The following PTPRD variants were observed in gnomAD, a reference collection of about 807,000 sequenced individuals.
PTPRD encodes the protein protein tyrosine phosphatase receptor type D.
A neutral mutation model predicts 214.5 loss-of-function variants in PTPRD; 34 were observed. That is an observed-to-expected ratio of 0.16 (90% CI 0.12 to 0.21). The LOEUF is 0.21. PTPRD is among the 10% of genes least tolerant of loss of function. The probability of loss-of-function intolerance (pLI) is 1.00; values close to 1 mark genes in which losing one functional copy is unlikely to be tolerated. For missense variants in PTPRD, 2,545 were observed against 2,398.7 expected, an observed-to-expected ratio of 1.06 and a Z score of -1.27; for synonymous variants, 1,128 against 845.7, an observed-to-expected ratio of 1.33 and a Z score of -5.79.
intron 10 of PTPRD, among the ~76,000 whole-genome samples, chr9:9,149,100 G>C (rs150981500): frequency 3.3e-5 from 5 of 152,324 alleles, no homozygotes; most frequent in African/African-American, 1.2e-4. Flanking sequence ...TCCGCAGTCT[G>C]ACTGTTTAGG....
chr9:9,398,791 T>C (rs764500715), intron 8 of PTPRD, among the ~76,000 whole-genome samples: 3 of 152,004 alleles, frequency 2.0e-5, no homozygotes, highest in African/African-American at 4.8e-5. Flanking sequence ...GGAACAGTGA[T>C]AGATTTGCTT....
intron 2 of PTPRD, among the ~76,000 whole-genome samples, chr9:10,476,958 C>G (rs1280414259): frequency 6.6e-6 from 1 of 152,078 alleles, no homozygotes; most frequent in African/African-American, 2.4e-5. Flanking sequence ...AATTGGACCC[C>G]TTACTTAGAC....
intron 39 of PTPRD, among the ~76,000 whole-genome samples, chr9:8,374,573 G>A (rs1245288938): frequency 1.3e-5 from 2 of 151,972 alleles, no homozygotes; most frequent in Admixed American, 1.3e-4. Context: ...GGCCGATTAC[G>A]CCATCACCTT....
intron 9 of PTPRD, among the ~76,000 whole-genome samples, chr9:9,304,906 T>C (rs1230293494): frequency 6.7e-6 from 1 of 149,114 alleles, no homozygotes; most frequent in Non-Finnish European, 1.5e-5. Context: ...GGGGAGAATT[T>C]TTATTGCTTT....
chr9:8,373,121 T>C (rs1331911295), intron 39 of PTPRD, among the ~76,000 whole-genome samples: 3 of 152,066 alleles, frequency 2.0e-5, no homozygotes, highest in African/African-American at 7.2e-5. Flanking sequence ...TTTGCATAGT[T>C]TCTTTCTGCT....
At chr9:9,344,691 T>C (rs1277167287) in intron 9 of PTPRD, among the ~76,000 whole-genome samples, 1 of 152,050 alleles carries the variant, frequency 6.6e-6, no homozygotes, top group Non-Finnish European at 1.5e-5. Flanking sequence ...TTTAAAAACT[T>C]TAAGTTAAAA....
At chr9:9,663,649 C>T (rs1260267690) in intron 7 of PTPRD, among the ~76,000 whole-genome samples, 7 of 151,540 alleles carry the variant, frequency 4.6e-5, no homozygotes, top group African/African-American at 9.7e-5. Flanking sequence ...TCTCTCCTTC[C>T]GCTTCATATC....
intron 9 of PTPRD, among the ~76,000 whole-genome samples, chr9:9,347,570 G>T (rs906996970): frequency 1.3e-5 from 2 of 151,872 alleles, no homozygotes; most frequent in African/African-American, 4.8e-5. Context: ...TTATTCTTTA[G>T]CTATTACACA....
At chr9:9,388,695 T>TA (rs954296076) in intron 9 of PTPRD, among the ~76,000 whole-genome samples, 27 of 152,238 alleles carry the variant, frequency 1.8e-4, no homozygotes, top group South Asian at 4.1e-4. Flanking sequence ...AAATCTGCCA[T>TA]AAAAAAATTA....
At chr9:8,732,758 T>C (rs1193799482) in intron 12 of PTPRD, among the ~76,000 whole-genome samples, 3 of 152,288 alleles carry the variant, frequency 2.0e-5, no homozygotes, top group East Asian at 3.9e-4. Flanking sequence ...CATGAAGCAA[T>C]TGGTGGCTCG....
At chr9:8,797,165 A>G (rs2096454438) in intron 11 of PTPRD, 1 of 152,192 alleles carries the variant, frequency 6.6e-6, no homozygotes, top group African/African-American at 2.4e-5. Flanking sequence ...TTTGTCTAGC[A>G]GGCTTTCCAA....
intron 5 of PTPRD, among the ~76,000 whole-genome samples, chr9:9,840,218 T>C (rs199998461): frequency 6.6e-6 from 1 of 151,920 alleles, no homozygotes; most frequent in Non-Finnish European, 1.5e-5. Context: ...TTGCATTTTT[T>C]GTAGAGATGG....
intron 14 of PTPRD, among the ~76,000 whole-genome samples, chr9:8,560,579 T>A (rs776407263): frequency 2.0e-5 from 3 of 152,170 alleles, no homozygotes; most frequent in Non-Finnish European, 2.9e-5. Flanking sequence ...TATATAACCC[T>A]GCAGAGGAGC....
intron 5 of PTPRD, among the ~76,000 whole-genome samples, chr9:9,849,000 C>T (rs1003251708): frequency 3.3e-5 from 5 of 151,816 alleles, no homozygotes; most frequent in Admixed American, 6.6e-5. Flanking sequence ...TGTCTGAGCA[C>T]GTCCAGTTAC....
chr9:9,444,696 C>T (rs758051281), intron 8 of PTPRD, among the ~76,000 whole-genome samples: 1 of 152,032 alleles, frequency 6.6e-6, no homozygotes, highest in Admixed American at 6.6e-5. Context: ...AAAGAACAAC[C>T]TTTTCCCTTT....
chr9:10,455,311 C>G (rs929562499), intron 2 of PTPRD, among the ~76,000 whole-genome samples: 13 of 151,524 alleles, frequency 8.6e-5, no homozygotes, highest in Admixed American at 7.2e-4. Flanking sequence ...GGTATTTATC[C>G]TCCTTTCGAC....
At chr9:9,484,569 A>C (rs1456431893) in intron 8 of PTPRD, among the ~76,000 whole-genome samples, 4 of 152,148 alleles carry the variant, frequency 2.6e-5, no homozygotes, top group Non-Finnish European at 5.9e-5. Context: ...AGCAGAACAA[A>C]CAACATTTGT....
chr9:10,355,484 T>G (rs953300279), intron 2 of PTPRD, among the ~76,000 whole-genome samples: 1 of 150,962 alleles, frequency 6.6e-6, no homozygotes, highest in African/African-American at 2.4e-5. Context: ...CTTTTCTTTT[T>G]TTTTTTTTTT....
In PTPRD at chr9:10,029,953, C is replaced by T. The variant is rs186614085; in HGVS notation, c.-472+3765G>A. 6.2e-4 allele frequency among the ~76,000 whole-genome samples: 95 copies of T among 152,096 alleles called. 1 individual carries two copies. The highest frequency in any genetic ancestry group is 3.4e-3 in the Middle Eastern group (1 of 292). ...GGTGGGAGGTAATTAATCATGGGGG[C>T]GGGTCTTTTCTGTGCTGTTCTCCTG... On this transcript the variant is annotated intron_variant, in intron 4 of 45. Coordinates refer to ENST00000381196, the MANE Select transcript of PTPRD (RefSeq NM_002839.4).
Sources: gnomAD v4.1 joint callset for allele counts (sites outside exome capture counted in the v4.1 genomes callset) on GRCh38, gnomAD v4.1.1 for gene constraint, MANE v1.5 for transcripts, NCBI Gene and HGNC (gene_info 2026-07-23, HGNC 2026-07-21) for gene names.